ATP10B: variants seen among roughly 807,000 people sequenced by gnomAD.
The protein encoded by ATP10B is phospholipid-transporting ATPase VB.
Under a neutral mutation model 141.2 loss-of-function variants are expected in ATP10B, and 122 were observed. The ratio of observed to expected loss-of-function variants is 0.86; its 90% CI spans 0.75 to 1.00. The LOEUF is 1.00. Among genes scored for constraint, ATP10B ranks in the 50% least tolerant of loss-of-function variants. The pLI, the probability that ATP10B is intolerant of heterozygous loss-of-function variation, is 0.00. For missense variants in ATP10B, 1,876 were observed against 1,825.3 expected, an observed-to-expected ratio of 1.03 and a Z score of -0.51; for synonymous variants, 685 against 692.0, an observed-to-expected ratio of 0.99 and a Z score of 0.16.
Position 160,641,161 on chromosome 5 carries a change from C to T in ATP10B, c.869-569G>A, listed in dbSNP as rs549596210. Among the ~76,000 whole-genome samples the T allele has an allele frequency of 6.6e-5, 10 of 152,232 alleles. No homozygotes were observed. The East Asian group carries it at 1.2e-3, about 18-fold the overall frequency. Reference sequence around the variant, plus strand: ...GTGGAAAAGAGGTGGTGTTGGAGAGCCTGCTCAGGGAAAGCTGCTCCAAGG... The same window carrying T: ...GTGGAAAAGAGGTGGTGTTGGAGAGTCTGCTCAGGGAAAGCTGCTCCAAGG... On this transcript the variant is annotated intron_variant, in intron 9 of 25. Coordinates refer to ENST00000327245, the MANE Select transcript of ATP10B (RefSeq NM_025153.3).
At chr5:160,571,546 G>A (rs1368217784) in intron 24 of ATP10B, among the ~76,000 whole-genome samples, 1 of 151,906 alleles carries the variant, frequency 6.6e-6, no homozygotes, top group African/African-American at 2.4e-5. Context: ...CTGATATTTG[G>A]TTTTTCACTC....
At chr5:160,775,129 G>A (rs999728045) in intron 2 of ATP10B, among the ~76,000 whole-genome samples, 3 of 152,192 alleles carry the variant, frequency 2.0e-5, no homozygotes, top group Non-Finnish European at 4.4e-5. Context: ...GTCACTAGCC[G>A]TGGCCGTGTT....
intron 1 of ATP10B, among the ~76,000 whole-genome samples, chr5:160,823,525 A>T (rs1272756016): frequency 2.6e-5 from 4 of 152,208 alleles, no homozygotes; most frequent in African/African-American, 9.6e-5. Context: ...ACGTGCTTAA[A>T]TTTTAAGTTA....
chr5:160,729,216 G>A (rs1001750412), intron 2 of ATP10B, among the ~76,000 whole-genome samples: 5 of 152,120 alleles, frequency 3.3e-5, no homozygotes, highest in Non-Finnish European at 2.9e-5. Flanking sequence ...TAATGCAAGG[G>A]AGAAGTGTAT....
chr5:160,795,413 TC>T (rs1412971241), intron 1 of ATP10B, among the ~76,000 whole-genome samples: 2 of 152,178 alleles, frequency 1.3e-5, no homozygotes, highest in East Asian at 3.9e-4. Flanking sequence ...ATTTCCCATC[TC>T]TGTCCTAAGG....
intron 7 of ATP10B, among the ~76,000 whole-genome samples, chr5:160,649,504 C>T (rs1361491980): frequency 6.6e-6 from 1 of 152,136 alleles, no homozygotes. Context: ...CTCTGACCTG[C>T]CTGGGTGTGG....
intron 2 of ATP10B, among the ~76,000 whole-genome samples, chr5:160,767,531 A>T (rs1769538724): frequency 6.6e-6 from 1 of 151,762 alleles, no homozygotes; most frequent in South Asian, 2.1e-4. Context: ...AAGTCCTCAT[A>T]TTGGAATTAT....
In ATP10B at chr5:160,653,332, C is replaced by T. The variant is rs111207992; in HGVS notation, c.676-4076G>A. 3.5e-3 allele frequency among the ~76,000 whole-genome samples: 393 copies of T among 111,566 alleles called. 10 individuals are homozygous for T. Among genetic ancestry groups the T allele is most frequent in the African/African-American group, 0.014 (371 of 26,782 alleles). The allele number at this position is 111,566 out of a possible 152,430, so 73.2% of individuals were successfully genotyped here. On this transcript the variant is annotated intron_variant, in intron 7 of 25. Transcript: ENST00000327245. ...CATACATAGGTAGTATATATACATACGTACATACATACATAGGTAGTATAT... is the reference window on the plus strand; with the variant it reads ...CATACATAGGTAGTATATATACATATGTACATACATACATAGGTAGTATAT...
At chr5:160,791,015 G>T (rs1371060818) in intron 1 of ATP10B, among the ~76,000 whole-genome samples, 1 of 152,162 alleles carries the variant, frequency 6.6e-6, no homozygotes, top group Non-Finnish European at 1.5e-5. Flanking sequence ...GGGGTCATGA[G>T]CCAAGGAACC....
chr5:160,890,956 C>A, the ATP10B span, among the ~76,000 whole-genome samples: 1 of 152,036 alleles, frequency 6.6e-6, no homozygotes, highest in South Asian at 2.1e-4. Context: ...TTTTTGATGA[C>A]TATGAGTGGT....
rs768274748 is a variant in ATP10B at position 160,622,506 on chromosome 5, CT to C, written c.1699del (p.Ser567AlafsTer21). On this transcript the variant is annotated frameshift_variant, in exon 14 of 26. Coordinates refer to ENST00000327245, the MANE Select transcript of ATP10B (RefSeq NM_025153.3). LOFTEE classifies it high-confidence loss of function. ...GGAGAGGGAAGCCTTGGCAGGTCTG[CT>C]GTCTGACAAGGTCTCCAACCACAGG... ...AALWLETLSDSRPAKASLSTT... is the reference protein window; with the variant it reads ...AALWLETLSDXRPAKASLSTT... 1 of 1,614,134 alleles carries C rather than the reference CT, an allele frequency of 6.2e-7. No individual in the cohort carries two copies. The highest frequency in any genetic ancestry group is 8.5e-7 in the Non-Finnish European group (1 of 1,180,018).
rs575044167 is a variant in ATP10B, at chr5:160,675,315, G to A, written c.471-4648C>T. Among the ~76,000 whole-genome samples, 8 of 152,284 alleles carry A rather than the reference G, an allele frequency of 5.3e-5. No homozygotes were observed. The South Asian group carries it at 8.3e-4, about 16-fold the overall frequency. On this transcript the variant is annotated intron_variant, in intron 6 of 25. Coordinates refer to ENST00000327245, the MANE Select transcript of ATP10B (RefSeq NM_025153.3). ...AAAATAAGACAAATCAACATGGCTC[G>A]GGATGAAGGCTCCATCTGGCAGATT...
At chr5:160,782,694 C>T (rs1029066602) in intron 2 of ATP10B, among the ~76,000 whole-genome samples, 6 of 151,918 alleles carry the variant, frequency 3.9e-5, no homozygotes, top group African/African-American at 1.2e-4. Flanking sequence ...GATGATATAG[C>T]TAAGAATGAC....
At chr5:160,658,792 C>T (rs1019430014) in intron 7 of ATP10B, among the ~76,000 whole-genome samples, 3 of 152,166 alleles carry the variant, frequency 2.0e-5, no homozygotes, top group African/African-American at 7.2e-5. Context: ...TCACAAGAAA[C>T]ATAGACAAGA....
At chr5:160,838,449 G>C (rs1775599254) in intron 1 of ATP10B, among the ~76,000 whole-genome samples, 1 of 152,098 alleles carries the variant, frequency 6.6e-6, no homozygotes, top group Non-Finnish European at 1.5e-5. Flanking sequence ...TTCCACTTCT[G>C]TTCTCTATTT....
chr5:160,919,211 G>A, the ATP10B span, among the ~76,000 whole-genome samples: 12 of 42,850 alleles, frequency 2.8e-4, no homozygotes, highest in East Asian at 5.2e-4. Flanking sequence ...GCGACAGAGC[G>A]AAACTCCGTC....
the ATP10B span, among the ~76,000 whole-genome samples, chr5:160,865,639 C>A: frequency 3.4e-4 from 52 of 152,178 alleles, no homozygotes; most frequent in Admixed American, 5.9e-4. Flanking sequence ...AAACAGAGAA[C>A]CCATAGAGTG....
intron 2 of ATP10B, among the ~76,000 whole-genome samples, chr5:160,727,035 A>C (rs2127788524): frequency 6.6e-6 from 1 of 152,266 alleles, no homozygotes; most frequent in Middle Eastern, 3.4e-3. Context: ...CAGCTCTCCC[A>C]AAAATGTATA....
chr5:160,637,215 T>A (rs1759473824), intron 10 of ATP10B, among the ~76,000 whole-genome samples: 1 of 151,486 alleles, frequency 6.6e-6, no homozygotes, highest in African/African-American at 2.4e-5. Context: ...TATTCATCCA[T>A]CTACCCACCC....
Sources: allele counts gnomAD v4.1 joint callset (sites outside exome capture counted in the v4.1 genomes callset), GRCh38; gene constraint gnomAD v4.1.1; transcripts MANE v1.5; gene names NCBI Gene and HGNC (gene_info 2026-07-23, HGNC 2026-07-21).